The following L3HYPDH variants were observed in gnomAD, a reference collection of about 807,000 sequenced individuals.
L3HYPDH encodes the protein trans-L-3-hydroxyproline dehydratase, also known as trans-3-hydroxy-L-proline dehydratase.
In L3HYPDH, 32 loss-of-function variants were observed where a neutral mutation model predicts 26.5. The observed-to-expected ratio is 1.21, with a 90% confidence interval of 0.91 to 1.62. The LOEUF is 1.62. L3HYPDH is among the 40% of genes most tolerant of loss of function. L3HYPDH has a pLI of 0.00. For synonymous variants in L3HYPDH, 215 were observed against 196.6 expected (o/e 1.09, Z -0.78); for missense variants, 554 against 476.4 (o/e 1.16, Z -1.52).
At chr14:59,469,185 G>C (rs887801594), downstream of L3HYPDH, among the ~76,000 whole-genome samples, 3 of 152,120 alleles carry the variant, frequency 2.0e-5, no homozygotes, top group Admixed American at 2.0e-4. Flanking sequence ...GTCTTGACTG[G>C]TGTACCAGTT....
At chr14:59,485,104 TGGG>T (rs1890428191), upstream of L3HYPDH, 1 of 1,598,326 alleles carries the variant, frequency 6.3e-7, no homozygotes, top group African/African-American at 1.3e-5. Context: ...GCTTGGAGCC[TGGG>T]TTTTGCTTAG....
the L3HYPDH span, among the ~76,000 whole-genome samples, chr14:59,503,631 G>A: frequency 2.0e-5 from 3 of 152,146 alleles, no homozygotes; most frequent in African/African-American, 7.2e-5. Flanking sequence ...GCTTTCGTCT[G>A]GGTGCCTCTA....
chr14:59,473,598 A>G (rs945522435), intron 4 of L3HYPDH, among the ~76,000 whole-genome samples: 7 of 152,222 alleles, frequency 4.6e-5, no homozygotes, highest in African/African-American at 1.7e-4. Flanking sequence ...ACTTTTTAAC[A>G]AGGTGAGTTT....
chr14:59,498,205 G>C, the L3HYPDH span, among the ~76,000 whole-genome samples: 1 of 152,072 alleles, frequency 6.6e-6, no homozygotes, highest in South Asian at 2.1e-4. Context: ...GAATATTAAG[G>C]CTATACTATG....
chr14:59,475,151 A>G (rs1566559798), intron 4 of L3HYPDH: 1 of 152,272 alleles, frequency 6.6e-6, no homozygotes, highest in East Asian at 1.9e-4. Flanking sequence ...ACAACTTTTC[A>G]GGGCTTTCAC....
chr14:59,474,308 T>C (rs1281058786), intron 4 of L3HYPDH: 2 of 543,868 alleles, frequency 3.7e-6, no homozygotes, highest in Non-Finnish European at 6.5e-6. Flanking sequence ...ACATACACAG[T>C]AGGCAAAGAG....
At chr14:59,469,249 A>G (rs1889256742), downstream of L3HYPDH, among the ~76,000 whole-genome samples, 1 of 152,042 alleles carries the variant, frequency 6.6e-6, no homozygotes, top group South Asian at 2.1e-4. Context: ...GAAAAAGGAG[A>G]ATGCTGTTGA....
At chr14:59,476,968 T>C (rs1273924255) in intron 2 of L3HYPDH, among the ~76,000 whole-genome samples, 2 of 152,226 alleles carry the variant, frequency 1.3e-5, no homozygotes, top group Non-Finnish European at 2.9e-5. Flanking sequence ...ATAATCTGAC[T>C]TCCCTTGTAT....
chr14:59,491,082 A>G, the L3HYPDH span, among the ~76,000 whole-genome samples: 1 of 152,242 alleles, frequency 6.6e-6, no homozygotes, highest in Non-Finnish European at 1.5e-5. Flanking sequence ...CAGTTTCCTG[A>G]AATTTTGCAC....
chr14:59,488,510 G>A (rs781110992), upstream of L3HYPDH, among the ~76,000 whole-genome samples: 7 of 152,156 alleles, frequency 4.6e-5, no homozygotes, highest in Admixed American at 1.3e-4. Context: ...TAATGGCATA[G>A]AGGTATGAAA....
chr14:59,479,223 CA>C lies in L3HYPDH; in HGVS notation c.636del (p.Val213TrpfsTer7). ...TCTGTCACTGCACTCGCTGCATCCA[CA>C]AGGTCCCTGGTCTTTGCAGAACAAA... ...LDICSAKTRDLVDAASAVTEA... is the reference protein window; with the variant it reads ...LDICSAKTRDXVDAASAVTEA... On this transcript the variant is annotated frameshift_variant, in exon 2 of 5. Coordinates refer to ENST00000247194, the MANE Select transcript of L3HYPDH (RefSeq NM_144581.2). LOFTEE classifies it high-confidence loss of function. 6.2e-7 allele frequency: 1 copy of C among 1,611,452 alleles called. No homozygotes were observed. Among genetic ancestry groups the C allele is most frequent in the Non-Finnish European group, 8.5e-7 (1 of 1,179,516 alleles).
intron 2 of L3HYPDH, among the ~76,000 whole-genome samples, chr14:59,476,919 T>C (rs899353343): frequency 6.6e-6 from 1 of 152,234 alleles, no homozygotes; most frequent in Non-Finnish European, 1.5e-5. Context: ...TAACTTTTCC[T>C]GGATTTCTGC....
chr14:59,502,764 T>TG, the L3HYPDH span, among the ~76,000 whole-genome samples: 3 of 130,470 alleles, frequency 2.3e-5, no homozygotes, highest in Non-Finnish European at 4.8e-5. Context: ...TTTTTTTTTT[T>TG]TTTTTTTTTC....
the L3HYPDH span, among the ~76,000 whole-genome samples, chr14:59,499,326 A>C: frequency 6.6e-6 from 1 of 152,134 alleles, no homozygotes; most frequent in Non-Finnish European, 1.5e-5. Flanking sequence ...TAAAAATCTA[A>C]GTATGTAATA....
chr14:59,488,414 T>TA (rs1177327075), upstream of L3HYPDH, among the ~76,000 whole-genome samples: 3 of 152,098 alleles, frequency 2.0e-5, no homozygotes, highest in African/African-American at 7.2e-5. Context: ...ACTCTGGAGT[T>TA]ACAAAGAACA....
At chr14:59,484,421 C>A (rs1890335751), upstream of L3HYPDH, 2 of 1,390,144 alleles carry the variant, frequency 1.4e-6, no homozygotes, top group East Asian at 2.3e-5. Flanking sequence ...CCAGCCACGT[C>A]CGGGGGGCGG....
chr14:59,466,823 A>G (rs1215526160), intron 1 of L3HYPDH, among the ~76,000 whole-genome samples: 2 of 152,150 alleles, frequency 1.3e-5, no homozygotes, highest in Non-Finnish European at 2.9e-5. Context: ...TATACATTGT[A>G]TGATGTTCAG....
the L3HYPDH span, among the ~76,000 whole-genome samples, chr14:59,499,469 A>G: frequency 6.6e-6 from 1 of 152,156 alleles, no homozygotes; most frequent in South Asian, 2.1e-4. Flanking sequence ...AGTCCTCAAT[A>G]TATCTTTTAT....
At position 59,476,183 on chromosome 14, in the gene L3HYPDH, A is replaced by T; in HGVS notation, c.710T>A (p.Leu237His). ...TAATATAGTTCCATATAAAAAGGCA[A>T]GGTCTTCACTATCAGGATGATTAAT... ...FKINHPDSED[L>H]AFLYGTILTD... is the part of the protein sequence containing the mutation. The change falls in exon 3 of 5, where the codon CTT becomes CAT. Residue 237 changes from leucine to histidine, a missense_variant. By Grantham distance (99) the Leu-to-His change is moderately conservative (BLOSUM62 -3). Coordinates refer to ENST00000247194, the MANE Select transcript of L3HYPDH (RefSeq NM_144581.2). 6.2e-7 allele frequency: 1 copy of T among 1,608,578 alleles called. No homozygotes were observed. Among genetic ancestry groups the T allele is most frequent in the Non-Finnish European group, 8.5e-7 (1 of 1,175,400 alleles).
Sources: allele counts gnomAD v4.1 joint callset (sites outside exome capture counted in the v4.1 genomes callset), GRCh38; gene constraint gnomAD v4.1.1; transcripts MANE v1.5; gene names NCBI Gene and HGNC (gene_info 2026-07-23, HGNC 2026-07-21).